The following ZSCAN5A variants were observed in gnomAD, a reference collection of about 807,000 sequenced individuals.
The protein encoded by ZSCAN5A is zinc finger and SCAN domain-containing protein 5A.
ZSCAN5A carries 12 observed loss-of-function variants against 23.7 expected under a neutral mutation model. The observed-to-expected ratio is 0.51, with a 90% confidence interval of 0.32 to 0.82. ZSCAN5A has a LOEUF of 0.82. Ranked by LOEUF, ZSCAN5A falls within the 40% of genes least tolerant of loss-of-function variation. The probability of loss-of-function intolerance (pLI) is 0.03; values close to 1 mark genes in which losing one functional copy is unlikely to be tolerated. For missense variants in ZSCAN5A, 597 were observed against 617.9 expected (o/e 0.97, Z 0.36); for synonymous variants, 257 against 239.9 (o/e 1.07, Z -0.66).
chr19:56,277,267 C>G (rs2038335144), intron 2 of ZSCAN5A, among the ~76,000 whole-genome samples: 1 of 152,170 alleles, frequency 6.6e-6, no homozygotes, highest in Non-Finnish European at 1.5e-5. Context: ...TAAGAGCTAG[C>G]AAGTGAAGGT....
chr19:56,367,960 G>A (rs929051483), intron 1 of ZSCAN5A: 1 of 152,334 alleles, frequency 6.6e-6, no homozygotes. Context: ...CCACGCCAAT[G>A]TATTATCATA....
chr19:56,289,325 C>T (rs2147139033), intron 2 of ZSCAN5A, among the ~76,000 whole-genome samples: 1 of 152,258 alleles, frequency 6.6e-6, no homozygotes, highest in Non-Finnish European at 1.5e-5. Flanking sequence ...AGGGAGCTTA[C>T]CCCATTCATT....
At chr19:56,228,345 A>C (rs933002586) in intron 2 of ZSCAN5A, 6 of 984,850 alleles carry the variant, frequency 6.1e-6, no homozygotes, top group African/African-American at 1.8e-5. Context: ...GAGAAGCGGG[A>C]CTCCAGGCCG....
chr19:56,360,583 A>G (rs2041728028), intron 2 of ZSCAN5A, among the ~76,000 whole-genome samples: 1 of 152,226 alleles, frequency 6.6e-6, no homozygotes, highest in Non-Finnish European at 1.5e-5. Context: ...AGCAATGGGG[A>G]AAGGATTCCC....
chr19:56,286,836 A>T (rs1351438704), intron 2 of ZSCAN5A, among the ~76,000 whole-genome samples: 1 of 152,246 alleles, frequency 6.6e-6, no homozygotes, highest in African/African-American at 2.4e-5. Context: ...TCACTGCTAG[A>T]GATGCCCGGC....
chr19:56,291,237 C>T (rs1317444831), intron 2 of ZSCAN5A, among the ~76,000 whole-genome samples: 1 of 152,190 alleles, frequency 6.6e-6, no homozygotes, highest in Non-Finnish European at 1.5e-5. Context: ...TCCTCAAGCT[C>T]CCTCCTGACC....
At chr19:56,234,788 A>C (rs1202972045) in intron 2 of ZSCAN5A, among the ~76,000 whole-genome samples, 2 of 152,124 alleles carry the variant, frequency 1.3e-5, no homozygotes, top group East Asian at 3.9e-4. Flanking sequence ...GAGCCCTTAA[A>C]AGGGACAGGA....
At chr19:56,251,755 G>T (rs1334559378) in intron 2 of ZSCAN5A, among the ~76,000 whole-genome samples, 1 of 152,168 alleles carries the variant, frequency 6.6e-6, no homozygotes, top group African/African-American at 2.4e-5. Flanking sequence ...TAGAGACAGT[G>T]TCTCACTATG....
chr19:56,286,645 G>A (rs374266157), intron 2 of ZSCAN5A: 1 of 152,266 alleles, frequency 6.6e-6, no homozygotes, highest in South Asian at 2.1e-4. Context: ...CCCGCTGTTC[G>A]GTGGAAATAA....
intron 2 of ZSCAN5A, among the ~76,000 whole-genome samples, chr19:56,302,603 CTTCCTCTCCCTCT>C (rs2040398658): frequency 1.0e-5 from 1 of 98,150 alleles, no homozygotes; most frequent in African/African-American, 3.9e-5. Flanking sequence ...TCTCCCTCTT[CTTCCTCTCCCTCT>C]TCCTCCCTCC....
At chr19:56,368,253 A>C (rs1311570284) in exon 1 of ZSCAN5A, 2 of 152,376 alleles carry the variant, frequency 1.3e-5, no homozygotes, top group African/African-American at 4.8e-5. Flanking sequence ...ACGCCTCTGC[A>C]TTCCGGTCAC....
intron 2 of ZSCAN5A, among the ~76,000 whole-genome samples, chr19:56,259,341 GAT>G (rs2036954844): frequency 6.6e-6 from 1 of 152,122 alleles, no homozygotes; most frequent in African/African-American, 2.4e-5. Context: ...TGGGATTACA[GAT>G]GTGAGCTACC....
At chr19:56,242,987 C>T (rs2035551057) in intron 2 of ZSCAN5A, among the ~76,000 whole-genome samples, 1 of 152,146 alleles carries the variant, frequency 6.6e-6, no homozygotes, top group African/African-American at 2.4e-5. Flanking sequence ...CCATCTTGGT[C>T]AGGCTGGTCT....
intron 2 of ZSCAN5A, chr19:56,244,000 G>C: frequency 1.4e-6 from 1 of 714,066 alleles, no homozygotes. Context: ...CCAGCTACTG[G>C]AAGAACTTTC....
chr19:56,250,364 G>A (rs970871557), intron 2 of ZSCAN5A, among the ~76,000 whole-genome samples: 1 of 152,162 alleles, frequency 6.6e-6, no homozygotes, highest in African/African-American at 2.4e-5. Flanking sequence ...GAGAACCACT[G>A]GTGTACAGTA....
chr19:56,287,014 G>GA (rs1438207837), intron 2 of ZSCAN5A, among the ~76,000 whole-genome samples: 1 of 152,238 alleles, frequency 6.6e-6, no homozygotes, highest in Non-Finnish European at 1.5e-5. Context: ...TAAAATGCCA[G>GA]AAACACTCAG....
chr19:56,358,295 A>G (rs1304147723), intron 2 of ZSCAN5A, among the ~76,000 whole-genome samples: 1 of 148,112 alleles, frequency 6.8e-6, no homozygotes, highest in Non-Finnish European at 1.5e-5. Context: ...TAATTTTTGT[A>G]TTTTGAGTAG....
intron 2 of ZSCAN5A, among the ~76,000 whole-genome samples, chr19:56,275,720 C>G (rs2038196838): frequency 6.6e-6 from 1 of 152,194 alleles, no homozygotes; most frequent in African/African-American, 2.4e-5. Flanking sequence ...TCTGTGAGAA[C>G]AGAGTTTGGG....
chr19:56,322,124 G>C, intron 2 of ZSCAN5A: 1 of 762,900 alleles, frequency 1.3e-6, no homozygotes, highest in South Asian at 1.4e-5. Flanking sequence ...TTTTTGCAAA[G>C]TCAGTAGCTG....
Sources: allele counts gnomAD v4.1 joint callset (sites outside exome capture counted in the v4.1 genomes callset), GRCh38; gene constraint gnomAD v4.1.1; transcripts MANE v1.5; gene names NCBI Gene and HGNC (gene_info 2026-07-23, HGNC 2026-07-21).